THEMIS: variants seen among roughly 807,000 people sequenced by gnomAD.
The protein encoded by THEMIS is thymocyte selection associated, also known as protein THEMIS.
Under a neutral mutation model 52.6 loss-of-function variants are expected in THEMIS, and 37 were observed. The ratio of observed to expected loss-of-function variants is 0.70; its 90% confidence interval spans 0.54 to 0.93. The LOEUF (loss-of-function observed/expected upper bound fraction) is 0.93, where lower values mean the gene tolerates loss of function less well. Among genes scored for constraint, THEMIS ranks in the 40% least tolerant of loss-of-function variants. THEMIS has a pLI of 0.00. For missense variants in THEMIS, 808 were observed against 763.1 expected (o/e 1.06, Z -0.69); for synonymous variants, 292 against 272.7 (o/e 1.07, Z -0.70).
At chr6:127,757,932 T>C (rs1266537281) in intron 4 of THEMIS, among the ~76,000 whole-genome samples, 1 of 152,060 alleles carries the variant, frequency 6.6e-6, no homozygotes, top group African/African-American at 2.4e-5. Flanking sequence ...TCTCTATAGA[T>C]TGATAGGTAC....
intron 1 of THEMIS, among the ~76,000 whole-genome samples, chr6:127,881,070 C>T (rs928394085): frequency 6.6e-6 from 1 of 151,972 alleles, no homozygotes; most frequent in South Asian, 2.1e-4. Context: ...TTTCTAAAAT[C>T]CAAGTTTTAT....
chr6:127,719,282 A>G (rs1040309968), intron 5 of THEMIS, among the ~76,000 whole-genome samples: 1 of 151,936 alleles, frequency 6.6e-6, no homozygotes, highest in Admixed American at 6.6e-5. Context: ...AAACCATCAT[A>G]ATTCAAGCTT....
chr6:127,825,241 G>A lies in THEMIS; in HGVS notation c.709+4235C>T, dbSNP rs946387111. Among the ~76,000 whole-genome samples the A allele has an allele frequency of 3.3e-5, 5 of 152,098 alleles. 1 individual carries two copies. The highest frequency in any genetic ancestry group is 1.2e-4 in the African/African-American group (5 of 41,400). ...CAGAGAGAAGAGAAAATATAATTGA[G>A]TGGACATTATCAGAGAAATTGTTCC... is the stretch of plus-strand genomic sequence containing the variant. On this transcript the variant is annotated intron_variant, in intron 3 of 5. Transcript: ENST00000368248.
At chr6:127,755,795 G>A (rs1200617105) in intron 4 of THEMIS, among the ~76,000 whole-genome samples, 1 of 152,118 alleles carries the variant, frequency 6.6e-6, no homozygotes, top group East Asian at 1.9e-4. Flanking sequence ...CACTTTGGGA[G>A]GCGGGCAGAT....
chr6:127,872,928 C>T (rs957117197), intron 1 of THEMIS, among the ~76,000 whole-genome samples: 1 of 152,082 alleles, frequency 6.6e-6, no homozygotes, highest in Admixed American at 6.5e-5. Context: ...ACTATTAGAA[C>T]TATTAAGTGA....
At chr6:127,756,025 T>TA in intron 4 of THEMIS, among the ~76,000 whole-genome samples, 1 of 146,460 alleles carries the variant, frequency 6.8e-6, no homozygotes, top group African/African-American at 2.5e-5. Context: ...AGACTCCATC[T>TA]CAAAAAAAAA....
At chr6:127,859,644 T>C (rs901733016) in intron 1 of THEMIS, among the ~76,000 whole-genome samples, 6 of 152,142 alleles carry the variant, frequency 3.9e-5, no homozygotes, top group African/African-American at 1.4e-4. Flanking sequence ...GTTATATCTT[T>C]ATTTGGTATG....
chr6:127,732,128 T>C (rs542860115), intron 4 of THEMIS, among the ~76,000 whole-genome samples: 3 of 151,866 alleles, frequency 2.0e-5, no homozygotes, highest in Non-Finnish European at 4.4e-5. Context: ...AGTATCTTCA[T>C]ATTCTCGTTG....
intron 1 of THEMIS, among the ~76,000 whole-genome samples, chr6:127,893,911 T>C (rs1001239729): frequency 2.6e-5 from 4 of 151,948 alleles, no homozygotes; most frequent in Admixed American, 6.6e-5. Flanking sequence ...TAGAAAATGA[T>C]ATACCAAAAG....
intron 3 of THEMIS, among the ~76,000 whole-genome samples, chr6:127,826,431 A>C (rs1778508846): frequency 6.6e-6 from 1 of 152,140 alleles, no homozygotes; most frequent in Non-Finnish European, 1.5e-5. Context: ...ACTACTTTTC[A>C]CTTGTGTGAT....
chr6:127,855,056 G>A lies in THEMIS; in HGVS notation c.224C>T (p.Pro75Leu), dbSNP rs753325089. The A allele has an allele frequency of 1.9e-6, 3 of 1,608,842 alleles. No individual in the cohort carries two copies. Among genetic ancestry groups the A allele is most frequent in the Non-Finnish European group, 8.5e-7 (1 of 1,177,660 alleles). Residue 75 changes from proline to leucine, a missense_variant, in exon 2 of 6, where the codon CCA becomes CTA. Coordinates refer to ENST00000368248, the MANE Select transcript of THEMIS (RefSeq NM_001010923.3). ...TGGAAAATTCATAGGCAGTTCAAAT[G>A]GCTGTAGAGACTCACAACCTTCAAT... ...EQIEGCESLQ[P>L]FELPMNFPGL...
chr6:127,708,516 A>G lies in THEMIS; in HGVS notation c.*1469T>C, dbSNP rs1438450801. On this transcript the variant is annotated 3_prime_UTR_variant, in exon 6 of 6. Coordinates refer to ENST00000368248, the MANE Select transcript of THEMIS (RefSeq NM_001010923.3). Reference sequence around the variant, plus strand: ...AAATTATATGAGTCTAAAAACACCTATGGTGCAGTTTGTCAAGGCTGTTAG... The same window carrying G: ...AAATTATATGAGTCTAAAAACACCTGTGGTGCAGTTTGTCAAGGCTGTTAG... 6.6e-6 allele frequency: 1 copy of G among 152,116 alleles called. No homozygotes were observed. The highest frequency in any genetic ancestry group is 2.4e-5 in the African/African-American group (1 of 41,440). 9.4% of individuals were successfully genotyped at this position (152,116 alleles called of 1,614,324 possible).
chr6:127,905,304 TTACTAACAAAAACCAATA>T (rs1406697081), upstream of THEMIS, among the ~76,000 whole-genome samples: 17 of 152,116 alleles, frequency 1.1e-4, no homozygotes, highest in African/African-American at 4.1e-4. Flanking sequence ...GATAGCTGAC[TTACTAACAAAAACCAATA>T]AGGGTAGAAC....
chr6:127,707,009 A>G (rs901142024), downstream of THEMIS, among the ~76,000 whole-genome samples: 17 of 152,224 alleles, frequency 1.1e-4, 1 homozygote, highest in Admixed American at 8.5e-4. Flanking sequence ...GCCTCAGGAA[A>G]TTTATAATCA....
At chr6:127,734,815 G>A (rs1419446001) in intron 4 of THEMIS, among the ~76,000 whole-genome samples, 4 of 133,462 alleles carry the variant, frequency 3.0e-5, no homozygotes, top group Non-Finnish European at 4.6e-5. Flanking sequence ...GTTGCAATGA[G>A]CCGAGATTAC....
chr6:127,810,998 G>T (rs1777887133), intron 4 of THEMIS, among the ~76,000 whole-genome samples: 1 of 151,980 alleles, frequency 6.6e-6, no homozygotes, highest in Non-Finnish European at 1.5e-5. Flanking sequence ...GTACCCTTAA[G>T]TGCTCTATGG....
intron 4 of THEMIS, among the ~76,000 whole-genome samples, chr6:127,720,400 T>C (rs1028926034): frequency 3.9e-5 from 6 of 151,936 alleles, no homozygotes; most frequent in Non-Finnish European, 8.8e-5. Flanking sequence ...TCATCTCACA[T>C]GTAAGAGATG....
At chr6:127,773,089 G>A (rs1776441565) in intron 4 of THEMIS, among the ~76,000 whole-genome samples, 1 of 152,254 alleles carries the variant, frequency 6.6e-6, no homozygotes, top group South Asian at 2.1e-4. Flanking sequence ...TTTGAGGATA[G>A]AAAAATAATT....
At chr6:127,769,640 A>C (rs1776312183) in intron 4 of THEMIS, among the ~76,000 whole-genome samples, 1 of 152,052 alleles carries the variant, frequency 6.6e-6, no homozygotes, top group African/African-American at 2.4e-5. Context: ...ACATATATAT[A>C]TATTTATACT....
Sources: allele counts gnomAD v4.1 joint callset (sites outside exome capture counted in the v4.1 genomes callset), GRCh38; gene constraint gnomAD v4.1.1; transcripts MANE v1.5; gene names NCBI Gene and HGNC (gene_info 2026-07-23, HGNC 2026-07-21).